The following PM20D2 variants were observed in gnomAD, a reference collection of about 807,000 sequenced individuals.
PM20D2 encodes the protein xaa-Arg dipeptidase.
A neutral mutation model predicts 42.9 loss-of-function variants in PM20D2; 33 were observed. The observed-to-expected ratio is 0.77, with a 90% confidence interval of 0.58 to 1.03. The LOEUF (loss-of-function observed/expected upper bound fraction) is 1.03, where lower values mean the gene tolerates loss of function less well. Among genes scored for constraint, PM20D2 ranks in the 50% least tolerant of loss-of-function variants. The probability of loss-of-function intolerance (pLI) is 0.00; values close to 1 mark genes in which losing one functional copy is unlikely to be tolerated. For missense variants in PM20D2, 548 were observed against 557.0 expected (o/e 0.98, Z 0.16); for synonymous variants, 250 against 228.2 (o/e 1.10, Z -0.86).
chr6:89,163,747 C>A lies in PM20D2; in HGVS notation c.*1484C>A, dbSNP rs1202837192. 6.6e-6 allele frequency: 1 copy of A among 152,094 alleles called. No individual in the cohort carries two copies. Among genetic ancestry groups the A allele is most frequent in the Non-Finnish European group, 1.5e-5 (1 of 68,030 alleles). The allele number at this position is 152,094 out of a possible 1,614,324, so 9.4% of individuals were successfully genotyped here. On this transcript the variant is annotated 3_prime_UTR_variant, in exon 7 of 7. Transcript: ENST00000275072. ...AAACTAAACTAGAGGTATAGGTGGACCTGCTTGAGGTATCTTTGTTTTTAT... is the reference window on the plus strand; with the variant it reads ...AAACTAAACTAGAGGTATAGGTGGAACTGCTTGAGGTATCTTTGTTTTTAT...
Position 89,146,328 on chromosome 6 carries a change from C to A in PM20D2, c.184C>A (p.Leu62Met). Residue 62 changes from leucine (L) to methionine (M), a missense_variant, in exon 1 of 7, where the codon CTG becomes ATG. Leu to Met is a conservative substitution (Grantham distance 15). Coordinates refer to ENST00000275072, the MANE Select transcript of PM20D2 (RefSeq NM_001010853.3). ...CGAGGAGCACCATGCCCACCGCGTG[C>A]TGACGCACTTCTTCGAGCGGGAGCC... ...AYEEHHAHRVLTHFFEREPPA... is the reference protein window; with the variant it reads ...AYEEHHAHRVMTHFFEREPPA... 6.4e-7 allele frequency: 1 copy of A among 1,574,626 alleles called. No homozygotes were observed. Among genetic ancestry groups the A allele is most frequent in the South Asian group, 1.1e-5 (1 of 87,576 alleles).
the PM20D2 span, among the ~76,000 whole-genome samples, chr6:89,111,242 G>A: frequency 6.6e-6 from 1 of 152,210 alleles, no homozygotes; most frequent in Middle Eastern, 3.4e-3. Context: ...CCAAGTAGCT[G>A]GGATTACAGG....
In PM20D2 at chr6:89,157,139, C is replaced by T. The variant is rs2183649; in HGVS notation, c.913-1186C>T. ...AGAGATAGGCTCTCCCTGTGTTGCC[C>T]AGGCTGGTCTCAAACTCCTGGGCTC... On this transcript the variant is annotated intron_variant, in intron 4 of 6. Coordinates refer to ENST00000275072, the MANE Select transcript of PM20D2 (RefSeq NM_001010853.3). Among the ~76,000 whole-genome samples, 222 of 152,086 alleles carry T rather than the reference C, an allele frequency of 1.5e-3. 2 individuals are homozygous for T. In the South Asian group the frequency reaches 0.019, roughly 13 times the overall value.
the PM20D2 span, among the ~76,000 whole-genome samples, chr6:89,120,085 A>C: frequency 1.3e-5 from 2 of 152,180 alleles, no homozygotes; most frequent in African/African-American, 2.4e-5. Context: ...AAACCATCAG[A>C]TCTCGTGAGA....
the PM20D2 span, among the ~76,000 whole-genome samples, chr6:89,117,663 T>C: frequency 6.6e-6 from 1 of 150,758 alleles, no homozygotes; most frequent in Non-Finnish European, 1.5e-5. Context: ...GGCCGCGGAG[T>C]AGTCCGAGGG....
At chr6:89,154,447 G>A (rs2127778539) in intron 3 of PM20D2, among the ~76,000 whole-genome samples, 1 of 152,018 alleles carries the variant, frequency 6.6e-6, no homozygotes, top group South Asian at 2.1e-4. Flanking sequence ...AATTTTTTTT[G>A]TGGTTATATA....
chr6:89,105,745 A>G, the PM20D2 span: 3 of 320,310 alleles, frequency 9.4e-6, no homozygotes, highest in Non-Finnish European at 1.7e-5. Context: ...CTAAAAATAA[A>G]AAGAACAAAA....
the PM20D2 span, among the ~76,000 whole-genome samples, chr6:89,132,515 A>G: frequency 1.3e-5 from 2 of 151,492 alleles, no homozygotes; most frequent in East Asian, 1.9e-4. Flanking sequence ...AATTAATTCA[A>G]AGTTTGAGTG....
chr6:89,111,848 A>C, the PM20D2 span, among the ~76,000 whole-genome samples: 1 of 152,182 alleles, frequency 6.6e-6, no homozygotes, highest in East Asian at 1.9e-4. Flanking sequence ...TTGTTTTTGG[A>C]GACAGGGTCT....
chr6:89,129,508 T>A, the PM20D2 span, among the ~76,000 whole-genome samples: 1 of 152,038 alleles, frequency 6.6e-6, no homozygotes, highest in African/African-American at 2.4e-5. Flanking sequence ...AAATAGTTTT[T>A]AAATAAATTA....
At chr6:89,095,373 C>T in the PM20D2 span, among the ~76,000 whole-genome samples, 18 of 152,074 alleles carry the variant, frequency 1.2e-4, no homozygotes, top group Non-Finnish European at 7.4e-5. Flanking sequence ...CCACCACGCC[C>T]GGCTAATTTT....
At chr6:89,145,859 G>A (rs947406563), upstream of PM20D2, among the ~76,000 whole-genome samples, 3 of 152,226 alleles carry the variant, frequency 2.0e-5, no homozygotes, top group African/African-American at 7.2e-5. Flanking sequence ...ATAACTCAAA[G>A]GCCAGAGCAG....
intron 2 of PM20D2, among the ~76,000 whole-genome samples, chr6:89,150,291 A>G (rs149149237): frequency 4.6e-5 from 7 of 152,252 alleles, no homozygotes; most frequent in Admixed American, 3.3e-4. Flanking sequence ...AGTAGGAGGA[A>G]TCTTTGAACT....
chr6:89,115,917 G>A, the PM20D2 span, among the ~76,000 whole-genome samples: 2 of 152,154 alleles, frequency 1.3e-5, no homozygotes, highest in Non-Finnish European at 2.9e-5. Flanking sequence ...TTACAGGCAT[G>A]AGCCACCGCA....
the PM20D2 span, chr6:89,096,522 A>ATAGG: frequency 1.3e-5 from 2 of 152,232 alleles, no homozygotes; most frequent in Non-Finnish European, 2.9e-5. Context: ...GTATCCTCCT[A>ATAGG]AGCAGCCCAG....
chr6:89,146,623 C>G lies in PM20D2; in HGVS notation c.465+14C>G. 6 of 1,410,562 alleles carry G rather than the reference C, an allele frequency of 4.3e-6. No individual in the cohort carries two copies. Among genetic ancestry groups the G allele is most frequent in the Non-Finnish European group, 5.5e-6 (6 of 1,089,144 alleles). The allele number at this position is 1,410,562 out of a possible 1,614,324, so 87.4% of individuals were successfully genotyped here. ...CCGCCCGTGAAGGTGAGGTGGGGCC[C>G]GGGTGCGGGACCCTATCCGACTGCC... On this transcript the variant is annotated intron_variant, in intron 1 of 6. Coordinates refer to ENST00000275072, the MANE Select transcript of PM20D2 (RefSeq NM_001010853.3).
At chr6:89,145,315 C>A (rs1369100162), upstream of PM20D2, among the ~76,000 whole-genome samples, 1 of 152,170 alleles carries the variant, frequency 6.6e-6, no homozygotes, top group Non-Finnish European at 1.5e-5. Flanking sequence ...TGGAGTTCAG[C>A]ATCAATTAAA....
chr6:89,118,402 C>T, the PM20D2 span, among the ~76,000 whole-genome samples: 1 of 152,342 alleles, frequency 6.6e-6, no homozygotes, highest in Middle Eastern at 3.4e-3. Context: ...TCGTCCTGAG[C>T]GCAGGACCTT....
intron 2 of PM20D2, among the ~76,000 whole-genome samples, chr6:89,151,630 A>G (rs1040868717): frequency 6.6e-6 from 1 of 152,218 alleles, no homozygotes; most frequent in African/African-American, 2.4e-5. Flanking sequence ...TTTTTGGTGT[A>G]CTTATGGGAC....
Sources: gnomAD v4.1 joint callset for allele counts (sites outside exome capture counted in the v4.1 genomes callset) on GRCh38, gnomAD v4.1.1 for gene constraint, MANE v1.5 for transcripts, NCBI Gene and HGNC (gene_info 2026-07-23, HGNC 2026-07-21) for gene names.